The following UTRN variants were observed in gnomAD, a reference collection of about 807,000 sequenced individuals.
UTRN encodes the protein dystrophin-related protein 1.
Under a neutral mutation model 463.9 loss-of-function variants are expected in UTRN, and 283 were observed. That is an observed-to-expected ratio of 0.61 (90% CI 0.55 to 0.67). UTRN has a LOEUF of 0.67. Ranked by LOEUF, UTRN falls within the 30% of genes least tolerant of loss-of-function variation. The pLI, the probability that UTRN is intolerant of heterozygous loss-of-function variation, is 0.00. For missense variants in UTRN, 3,922 were observed against 4,084.3 expected, an observed-to-expected ratio of 0.96 and a Z score of 1.08; for synonymous variants, 1,442 against 1,431.5, an observed-to-expected ratio of 1.01 and a Z score of -0.17.
At chr6:144,653,458 C>A (rs766559596) in intron 51 of UTRN, among the ~76,000 whole-genome samples, 13 of 151,802 alleles carry the variant, frequency 8.6e-5, no homozygotes, top group Non-Finnish European at 1.8e-4. Context: ...TGGTGGCAGG[C>A]GCCTGTAGTC....
intron 2 of UTRN, among the ~76,000 whole-genome samples, chr6:144,343,675 A>T (rs1777325568): frequency 6.6e-6 from 1 of 152,172 alleles, no homozygotes; most frequent in South Asian, 2.1e-4. Context: ...CCTAGTAGCG[A>T]ATTCTAAGGG....
intron 33 of UTRN, among the ~76,000 whole-genome samples, chr6:144,496,514 G>C (rs867386705): frequency 6.6e-6 from 1 of 152,080 alleles, no homozygotes; most frequent in African/African-American, 2.4e-5. Flanking sequence ...TGGTATTGCT[G>C]GTTTTTGCAC....
Position 144,682,226 on chromosome 6 carries a change from C to G in UTRN, c.7652+3648C>G, listed in dbSNP as rs1782278205. Among the ~76,000 whole-genome samples, 6 of 152,190 alleles carry G rather than the reference C, an allele frequency of 3.9e-5. No individual in the cohort carries two copies. The South Asian group carries it at 1.2e-3, about 32-fold the overall frequency. On this transcript the variant is annotated intron_variant, in intron 52 of 74. Coordinates refer to ENST00000367545, the MANE Select transcript of UTRN (RefSeq NM_007124.3). ...GTTCAATTGTTTTGATTTTTAGATC[C>G]CCAAAATAACTGAGAATAGTCAATG... is the stretch of plus-strand genomic sequence containing the variant.
At chr6:144,710,934 T>C (rs547769037) in intron 53 of UTRN, among the ~76,000 whole-genome samples, 1 of 152,326 alleles carries the variant, frequency 6.6e-6, no homozygotes, top group South Asian at 2.1e-4. Flanking sequence ...ACACTCATTA[T>C]TTTTTTCGTG....
intron 2 of UTRN, among the ~76,000 whole-genome samples, chr6:144,331,865 GA>G (rs1289559119): frequency 1.3e-5 from 2 of 152,174 alleles, no homozygotes; most frequent in Non-Finnish European, 2.9e-5. Context: ...TGGAAGGGAA[GA>G]ATTCCAGGCT....
At chr6:144,452,179 T>C (rs1051268398) in intron 18 of UTRN, among the ~76,000 whole-genome samples, 1 of 152,252 alleles carries the variant, frequency 6.6e-6, no homozygotes, top group Admixed American at 6.5e-5. Context: ...GACTTTTACA[T>C]TGATCTTTAG....
chr6:144,817,353 G>A (rs540778192), intron 65 of UTRN, among the ~76,000 whole-genome samples: 3 of 151,976 alleles, frequency 2.0e-5, no homozygotes, highest in Non-Finnish European at 4.4e-5. Flanking sequence ...AAAATGTTGG[G>A]TAATTTGTGT....
intron 68 of UTRN, among the ~76,000 whole-genome samples, chr6:144,828,424 G>A (rs1482031655): frequency 2.6e-5 from 4 of 152,110 alleles, no homozygotes; most frequent in Non-Finnish European, 5.9e-5. Context: ...TTAGTTGAAG[G>A]GAAGTCATGG....
chr6:144,484,496 G>T, intron 27 of UTRN, among the ~76,000 whole-genome samples: 1 of 144,282 alleles, frequency 6.9e-6, no homozygotes, highest in Non-Finnish European at 1.5e-5. Flanking sequence ...AGGCTGGAGG[G>T]CAGTGGCGTG....
At chr6:144,699,963 CTT>C (rs1049030451) in intron 52 of UTRN, 122 bp from the exon 53 acceptor site, 5 of 792,392 alleles carry the variant, frequency 6.3e-6, no homozygotes, top group East Asian at 3.4e-5. Context: ...GAGTCAGTCT[CTT>C]TTGTGGAAGT....
At chr6:144,431,340 A>G (rs1310460655) in intron 9 of UTRN, among the ~76,000 whole-genome samples, 1 of 152,188 alleles carries the variant, frequency 6.6e-6, no homozygotes, top group Non-Finnish European at 1.5e-5. Context: ...AACATTTGCT[A>G]TTTGATTAAG....
intron 3 of UTRN, among the ~76,000 whole-genome samples, chr6:144,414,048 G>A (rs1015838316): frequency 4.0e-5 from 6 of 151,798 alleles, no homozygotes; most frequent in African/African-American, 9.7e-5. Context: ...TGATCTGCCC[G>A]CCTTGGCCTC....
At chr6:144,293,780 TTACTC>T (rs1804451680) in intron 2 of UTRN, among the ~76,000 whole-genome samples, 3 of 152,152 alleles carry the variant, frequency 2.0e-5, no homozygotes, top group Admixed American at 6.5e-5. Context: ...TTCTGTTTCT[TTACTC>T]TAGCACATCT....
chr6:144,820,058 C>T (rs1009711540), intron 65 of UTRN, among the ~76,000 whole-genome samples: 3 of 150,480 alleles, frequency 2.0e-5, no homozygotes, highest in Admixed American at 6.7e-5. Context: ...AATGCATCTT[C>T]GGAAGGATCA....
chr6:144,679,525 A>C (rs917836980), intron 52 of UTRN, among the ~76,000 whole-genome samples: 46 of 152,182 alleles, frequency 3.0e-4, no homozygotes, highest in Admixed American at 2.9e-3. Flanking sequence ...GATCTTGAAC[A>C]AACTACTCAG....
At chr6:144,704,688 G>A (rs1466995569) in intron 53 of UTRN, among the ~76,000 whole-genome samples, 2 of 152,178 alleles carry the variant, frequency 1.3e-5, no homozygotes, top group African/African-American at 4.8e-5. Flanking sequence ...TTCTGGCTGG[G>A]CGTGGTGGCT....
At chr6:144,316,663 A>T (rs1031686405) in intron 2 of UTRN, among the ~76,000 whole-genome samples, 1 of 152,242 alleles carries the variant, frequency 6.6e-6, no homozygotes, top group African/African-American at 2.4e-5. Flanking sequence ...TTAATTTTAG[A>T]TGGAGAAAAT....
At chr6:144,831,307 T>A (rs1780652446) in intron 69 of UTRN, among the ~76,000 whole-genome samples, 1 of 152,088 alleles carries the variant, frequency 6.6e-6, no homozygotes. Flanking sequence ...GGCCCCAGTG[T>A]AATCCCAAGG....
chr6:144,745,824 A>G lies in UTRN; in HGVS notation c.7940-2422A>G, dbSNP rs192274774. ...TGTATTTCTTTTTTTACAGTAGTCA[A>G]TGCTTAAGATATATTTTTGAAAAAG... is the stretch of plus-strand genomic sequence containing the variant. On this transcript the variant is annotated intron_variant, in intron 54 of 74. Coordinates refer to ENST00000367545, the MANE Select transcript of UTRN (RefSeq NM_007124.3). Among the ~76,000 whole-genome samples, 498 of 152,220 alleles carry G rather than the reference A, an allele frequency of 3.3e-3. 2 individuals carry two copies. The highest frequency in any genetic ancestry group is 0.011 in the African/African-American group (475 of 41,558).
Sources: gnomAD v4.1 joint callset for allele counts (sites outside exome capture counted in the v4.1 genomes callset) on GRCh38, gnomAD v4.1.1 for gene constraint, MANE v1.5 for transcripts, NCBI Gene and HGNC (gene_info 2026-07-23, HGNC 2026-07-21) for gene names.